The following TRPC4 variants were observed in gnomAD, a reference collection of about 807,000 sequenced individuals.
TRPC4 encodes the protein short transient receptor potential channel 4.
A neutral mutation model predicts 99.4 loss-of-function variants in TRPC4; 49 were observed. The ratio of observed to expected loss-of-function variants is 0.49; its 90% CI spans 0.39 to 0.63. The LOEUF (loss-of-function observed/expected upper bound fraction) is 0.63, where lower values mean the gene tolerates loss of function less well. TRPC4 is among the 20% of genes least tolerant of loss of function. TRPC4 has a pLI of 0.00. For synonymous variants in TRPC4, 454 were observed against 425.9 expected, an observed-to-expected ratio of 1.07 and a Z score of -0.81; for missense variants, 898 against 1,152.9, an observed-to-expected ratio of 0.78 and a Z score of 3.20.
chr13:37,735,959 G>T lies in TRPC4; in HGVS notation c.897+9978C>A, dbSNP rs553063885. ...GTTGTTTAAAAGGACAAATTTATAC[G>T]ATGTTTTGGACACACACAATTTCAA... On this transcript the variant is annotated intron_variant, in intron 3 of 10. Transcript: ENST00000379705. 3.8e-4 allele frequency among the ~76,000 whole-genome samples: 58 copies of T among 152,174 alleles called. 1 individual carries two copies. The highest frequency in any genetic ancestry group is 1.3e-3 in the African/African-American group (55 of 41,536).
chr13:37,808,715 T>A (rs954591342), intron 1 of TRPC4, among the ~76,000 whole-genome samples: 3 of 152,042 alleles, frequency 2.0e-5, no homozygotes, highest in Non-Finnish European at 4.4e-5. Context: ...AAGCATGGTA[T>A]GAGATCAGCC....
At chr13:37,834,798 G>A (rs1958516988) in intron 1 of TRPC4, among the ~76,000 whole-genome samples, 1 of 152,066 alleles carries the variant, frequency 6.6e-6, no homozygotes, top group Non-Finnish European at 1.5e-5. Context: ...CACAATCTCG[G>A]CTCACTGTAA....
intron 2 of TRPC4, among the ~76,000 whole-genome samples, chr13:37,750,498 T>C (rs1483358267): frequency 6.6e-6 from 1 of 152,192 alleles, no homozygotes; most frequent in Non-Finnish European, 1.5e-5. Flanking sequence ...ATGCCTTTTC[T>C]GTTTCAATGG....
At chr13:37,697,642 G>A (rs1467809364) in intron 3 of TRPC4, among the ~76,000 whole-genome samples, 2 of 152,136 alleles carry the variant, frequency 1.3e-5, no homozygotes, top group Non-Finnish European at 2.9e-5. Context: ...ACATGCTTGA[G>A]TCTAAATTGT....
chr13:37,856,680 A>C (rs1156794391), intron 1 of TRPC4, among the ~76,000 whole-genome samples: 1 of 151,806 alleles, frequency 6.6e-6, no homozygotes, highest in East Asian at 1.9e-4. Context: ...AAGGTCATTC[A>C]TCATGACCAT....
intron 2 of TRPC4, among the ~76,000 whole-genome samples, chr13:37,748,802 A>G (rs1955855767): frequency 6.6e-6 from 1 of 151,936 alleles, no homozygotes. Flanking sequence ...AACAGTGTAA[A>G]AGTATTAAAG....
At chr13:37,830,778 A>G (rs890742069) in intron 1 of TRPC4, among the ~76,000 whole-genome samples, 3 of 135,398 alleles carry the variant, frequency 2.2e-5, no homozygotes, top group Non-Finnish European at 3.1e-5. Context: ...AATAACATTT[A>G]TATAATATAT....
At chr13:37,653,150 A>T (rs577584575) in intron 7 of TRPC4, among the ~76,000 whole-genome samples, 9 of 152,224 alleles carry the variant, frequency 5.9e-5, no homozygotes, top group Admixed American at 3.3e-4. Context: ...GAAATTATTT[A>T]TTGCTTTTTA....
chr13:37,709,912 T>A (rs1208522146), intron 3 of TRPC4, among the ~76,000 whole-genome samples: 1 of 152,004 alleles, frequency 6.6e-6, no homozygotes, highest in African/African-American at 2.4e-5. Context: ...TTTTACCTAC[T>A]GTTATCAAAA....
chr13:37,666,055 AC>A (rs1184777927), intron 5 of TRPC4, among the ~76,000 whole-genome samples: 1 of 152,174 alleles, frequency 6.6e-6, no homozygotes, highest in African/African-American at 2.4e-5. Flanking sequence ...ATGGGAAACA[AC>A]CATTGGAAGT....
intron 1 of TRPC4, among the ~76,000 whole-genome samples, chr13:37,784,435 T>C (rs752155087): frequency 3.3e-5 from 5 of 152,110 alleles, no homozygotes; most frequent in Non-Finnish European, 7.4e-5. Context: ...TCTGGTATCG[T>C]CCTAGTGATA....
chr13:37,750,889 T>G (rs1463458055), intron 2 of TRPC4, among the ~76,000 whole-genome samples: 1 of 152,016 alleles, frequency 6.6e-6, no homozygotes, highest in Non-Finnish European at 1.5e-5. Context: ...ATGAGAAATA[T>G]TTTGGAATCG....
At chr13:37,728,722 AAAT>A (rs1955145234) in intron 3 of TRPC4, among the ~76,000 whole-genome samples, 1 of 152,246 alleles carries the variant, frequency 6.6e-6, no homozygotes, top group East Asian at 1.9e-4. Flanking sequence ...CTGAGAGCCA[AAAT>A]AATCTTGATA....
At chr13:37,853,939 C>T (rs1274031392) in intron 1 of TRPC4, among the ~76,000 whole-genome samples, 2 of 151,570 alleles carry the variant, frequency 1.3e-5, no homozygotes, top group East Asian at 3.9e-4. Context: ...TAAAAAATAG[C>T]CTCAAAAGGG....
intron 1 of TRPC4, among the ~76,000 whole-genome samples, chr13:37,806,899 C>T (rs1037112359): frequency 2.6e-5 from 4 of 152,044 alleles, no homozygotes; most frequent in Non-Finnish European, 5.9e-5. Flanking sequence ...CTCTGTATTG[C>T]ACTGTTAGCC....
intron 2 of TRPC4, among the ~76,000 whole-genome samples, chr13:37,781,033 G>A (rs1472874352): frequency 6.6e-6 from 1 of 151,896 alleles, no homozygotes; most frequent in East Asian, 1.9e-4. Flanking sequence ...ATGCCTATAA[G>A]GAGCCAGGAC....
chr13:37,865,572 A>C (rs9532131), intron 1 of TRPC4, among the ~76,000 whole-genome samples: 42,962 of 151,562 alleles, frequency 0.28, 6,240 homozygotes, highest in Middle Eastern at 0.38. Flanking sequence ...TGGAACTTTA[A>C]CAGACTATTG....
chr13:37,727,959 T>C (rs928153075), intron 3 of TRPC4, among the ~76,000 whole-genome samples: 1 of 152,064 alleles, frequency 6.6e-6, no homozygotes, highest in Non-Finnish European at 1.5e-5. Flanking sequence ...TTTTCTCAAT[T>C]GATTCAGGAA....
At chr13:37,684,603 C>A (rs560245888) in intron 4 of TRPC4, among the ~76,000 whole-genome samples, 2 of 152,120 alleles carry the variant, frequency 1.3e-5, no homozygotes, top group Admixed American at 1.3e-4. Flanking sequence ...ATAAATATTT[C>A]TCCAATTCCT....
Sources: gnomAD v4.1 joint callset for allele counts (sites outside exome capture counted in the v4.1 genomes callset) on GRCh38, gnomAD v4.1.1 for gene constraint, MANE v1.5 for transcripts, NCBI Gene and HGNC (gene_info 2026-07-23, HGNC 2026-07-21) for gene names.